Variants in CLMP observed in about 807,000 individuals in gnomAD.
CLMP encodes the protein CXADR like cell adhesion molecule.
A neutral mutation model predicts 45.2 loss-of-function variants in CLMP; 27 were observed. That is an observed-to-expected ratio of 0.60 (90% CI 0.44 to 0.82). CLMP has a LOEUF of 0.82. Among genes scored for constraint, CLMP ranks in the 40% least tolerant of loss-of-function variants. The pLI is 0.00. For missense variants in CLMP, 403 were observed against 448.4 expected, an observed-to-expected ratio of 0.90 and a Z score of 0.91; for synonymous variants, 167 against 171.4, an observed-to-expected ratio of 0.97 and a Z score of 0.20.
At chr11:123,112,322 C>CTTTCTT (rs1286527428) in intron 1 of CLMP, among the ~76,000 whole-genome samples, 7 of 150,310 alleles carry the variant, frequency 4.7e-5, no homozygotes, top group Admixed American at 1.3e-4. Context: ...CAATTTCTTT[C>CTTTCTT]TTTCTTTTTC....
intron 1 of CLMP, among the ~76,000 whole-genome samples, chr11:123,126,481 A>G (rs118000676): frequency 0.024 from 3,645 of 151,872 alleles, 57 homozygotes; most frequent in Non-Finnish European, 0.036. Flanking sequence ...CTGGTCTTGA[A>G]CTCCTGGACT....
chr11:123,130,687 G>A (rs1410303562), intron 1 of CLMP, among the ~76,000 whole-genome samples: 4 of 147,270 alleles, frequency 2.7e-5, no homozygotes, highest in African/African-American at 7.4e-5. Context: ...GTTGAGCTGT[G>A]GAAAAGGGTT....
At chr11:123,160,401 G>A (rs551606723) in intron 1 of CLMP, among the ~76,000 whole-genome samples, 152 of 151,448 alleles carry the variant, frequency 1.0e-3, no homozygotes, top group African/African-American at 3.5e-3. Context: ...GTGCTTAGAA[G>A]CATGTTTTGC....
At chr11:123,164,612 T>A (rs1392011092) in intron 1 of CLMP, among the ~76,000 whole-genome samples, 2 of 152,068 alleles carry the variant, frequency 1.3e-5, no homozygotes, top group African/African-American at 4.8e-5. Context: ...CTTGATTTTT[T>A]TTTTTTTAAA....
intron 1 of CLMP, among the ~76,000 whole-genome samples, chr11:123,149,108 G>A (rs1043262929): frequency 2.6e-5 from 4 of 152,262 alleles, no homozygotes; most frequent in Non-Finnish European, 4.4e-5. Context: ...TTCAGGAAGC[G>A]GGTGTCTAAA....
At chr11:123,136,147 AC>A (rs1861067944) in intron 1 of CLMP, 15 of 627,852 alleles carry the variant, frequency 2.4e-5, no homozygotes, top group Non-Finnish European at 3.7e-5. Flanking sequence ...GAAAGTCACC[AC>A]CTACTGCAGT....
chr11:123,085,798 T>TA, intron 2 of CLMP, among the ~76,000 whole-genome samples: 1 of 148,104 alleles, frequency 6.8e-6, no homozygotes, highest in Non-Finnish European at 1.5e-5. Flanking sequence ...TTTTTTGAGA[T>TA]AGAGTCTCAC....
intron 2 of CLMP, among the ~76,000 whole-genome samples, chr11:123,085,599 A>T (rs1865856343): frequency 1.4e-5 from 2 of 143,370 alleles, no homozygotes; most frequent in African/African-American, 2.5e-5. Flanking sequence ...CAAAGATAAA[A>T]AAAAAAAAAA....
At chr11:123,171,086 GT>G (rs1337299665) in intron 1 of CLMP, among the ~76,000 whole-genome samples, 2 of 152,202 alleles carry the variant, frequency 1.3e-5, no homozygotes, top group African/African-American at 4.8e-5. Context: ...GACGGGCAAG[GT>G]TTCCCAGAGG....
intron 2 of CLMP, among the ~76,000 whole-genome samples, chr11:123,089,215 T>C (rs1389166442): frequency 2.6e-5 from 4 of 151,760 alleles, no homozygotes; most frequent in Admixed American, 6.6e-5. Context: ...TGAAACCCCA[T>C]CTCTACTAAA....
intron 1 of CLMP, among the ~76,000 whole-genome samples, chr11:123,175,647 A>G (rs1861688906): frequency 6.6e-6 from 1 of 152,226 alleles, no homozygotes; most frequent in Admixed American, 6.5e-5. Context: ...CTTTTATGCA[A>G]AAATACAGTT....
At chr11:123,137,299 A>G (rs111554716) in intron 1 of CLMP, among the ~76,000 whole-genome samples, 5,079 of 150,186 alleles carry the variant, frequency 0.034, 249 homozygotes, top group African/African-American at 0.11. Flanking sequence ...GACTACAGGC[A>G]CCCGCCACCA....
At chr11:123,115,215 T>A (rs1860704616) in intron 1 of CLMP, among the ~76,000 whole-genome samples, 1 of 119,256 alleles carries the variant, frequency 8.4e-6, no homozygotes, top group Admixed American at 9.6e-5. Flanking sequence ...CTAATTTAAA[T>A]TTTTTTTTTT....
intron 1 of CLMP, among the ~76,000 whole-genome samples, chr11:123,116,736 T>G (rs188525530): frequency 5.9e-5 from 9 of 152,350 alleles, no homozygotes; most frequent in Non-Finnish European, 1.3e-4. Flanking sequence ...CATGAATTCT[T>G]CTTTCTGTTT....
chr11:123,083,243 A>G (rs369094090), intron 4 of CLMP, 36 bp from the exon 5 acceptor site: 34 of 1,598,170 alleles, frequency 2.1e-5, no homozygotes, highest in Non-Finnish European at 2.7e-5. Context: ...AAATCCCTTT[A>G]GTGATGGTAT....
intron 1 of CLMP, among the ~76,000 whole-genome samples, chr11:123,149,544 C>T (rs1409746315): frequency 6.6e-6 from 1 of 152,102 alleles, no homozygotes; most frequent in East Asian, 1.9e-4. Flanking sequence ...CAAAATGGCC[C>T]CAGAATATAA....
At chr11:123,080,036 A>G (rs1374768608) in intron 5 of CLMP, among the ~76,000 whole-genome samples, 2 of 152,194 alleles carry the variant, frequency 1.3e-5, no homozygotes, top group Admixed American at 1.3e-4. Flanking sequence ...CTGCCTCTGA[A>G]ATGGCTCATT....
chr11:123,084,593 G>A lies in CLMP; in HGVS notation c.307C>T (p.Pro103Ser). 2 of 1,614,186 alleles carry A rather than the reference G, an allele frequency of 1.2e-6. No homozygotes were observed. Among genetic ancestry groups the A allele is most frequent in the Non-Finnish European group, 8.5e-7 (1 of 1,180,020 alleles). The part of the protein sequence containing the change: ...DASLQIEPLK[P>S]SDEGRYTCKV... ...CAGGTGTACCGGCCCTCATCACTGGGCTTCAGAGGTTCAATCTGCAAGGAG... is the reference window on the plus strand; with the variant it reads ...CAGGTGTACCGGCCCTCATCACTGGACTTCAGAGGTTCAATCTGCAAGGAG... The change falls in exon 3 of 7, where the codon CCC (proline) becomes TCC (serine). Residue 103 changes from proline (P) to serine (S), a missense_variant. Coordinates refer to ENST00000448775, the MANE Select transcript of CLMP (RefSeq NM_024769.5).
At chr11:123,121,900 C>T (rs888822752) in intron 1 of CLMP, among the ~76,000 whole-genome samples, 3 of 152,034 alleles carry the variant, frequency 2.0e-5, no homozygotes, top group East Asian at 3.9e-4. Context: ...CGTGCCCTTG[C>T]GTCCGGCTAA....
Sources: gnomAD v4.1 joint callset for allele counts (sites outside exome capture counted in the v4.1 genomes callset) on GRCh38, gnomAD v4.1.1 for gene constraint, MANE v1.5 for transcripts, NCBI Gene and HGNC (gene_info 2026-07-23, HGNC 2026-07-21) for gene names.